Variants in PREP observed in about 807,000 individuals in gnomAD.
PREP encodes prolyl endopeptidase.
Under a neutral mutation model 87.6 loss-of-function variants are expected in PREP, and 29 were observed. The observed-to-expected ratio is 0.33, with a 90% CI of 0.25 to 0.45. The LOEUF is 0.45. PREP is among the 20% of genes least tolerant of loss of function. The pLI is 1.00. For synonymous variants in PREP, 337 were observed against 328.6 expected (o/e 1.03, Z -0.28); for missense variants, 695 against 886.5 (o/e 0.78, Z 2.74).
intron 1 of PREP, among the ~76,000 whole-genome samples, chr6:105,400,425 T>C (rs1773396900): frequency 6.6e-6 from 1 of 152,162 alleles, no homozygotes; most frequent in Non-Finnish European, 1.5e-5. Context: ...GATGGTCTGG[T>C]CAGAATCGCC....
chr6:105,357,962 T>C (rs578209862), intron 6 of PREP, among the ~76,000 whole-genome samples: 52 of 152,016 alleles, frequency 3.4e-4, no homozygotes, highest in African/African-American at 1.1e-3. Context: ...GCTAGAATAA[T>C]TGTGCTCTCC....
intron 14 of PREP, chr6:105,280,980 T>C (rs1241684803): frequency 6.6e-6 from 1 of 152,238 alleles, no homozygotes; most frequent in East Asian, 1.9e-4. Flanking sequence ...TTTTGATTGT[T>C]ACAGTAACAA....
chr6:105,278,245 C>A lies in PREP; in HGVS notation c.2032G>T (p.Ala678Ser), dbSNP rs773468354. 1 of 1,614,232 alleles carries A rather than the reference C, an allele frequency of 6.2e-7. No homozygotes were observed. Residue 678 changes from alanine to serine, a missense_variant, in exon 15 of 15, where the codon GCG becomes TCG. Physicochemically the swap from Ala to Ser is moderately conservative, Grantham distance 99. Coordinates refer to ENST00000652536, the MANE Select transcript of PREP (RefSeq NM_002726.5). The surrounding 1 kb of genome is among the most constrained non-coding windows in gnomAD (Gnocchi z 4.2). ...NPLLIHVDTK[A>S]GHGAGKPTAK... The stretch of plus-strand genomic sequence containing the variant: ...GTGGGCTTCCCCGCCCCGTGGCCCG[C>A]CTTGGTGTCCACGTGGATAAGCAGG...
At chr6:105,395,863 G>A (rs960882137) in intron 2 of PREP, among the ~76,000 whole-genome samples, 2 of 152,234 alleles carry the variant, frequency 1.3e-5, no homozygotes, top group Non-Finnish European at 2.9e-5. Flanking sequence ...TCCAAGAGAT[G>A]CACAGGAACT....
intron 7 of PREP, among the ~76,000 whole-genome samples, chr6:105,340,214 CA>C (rs1407636247): frequency 2.6e-5 from 4 of 152,172 alleles, no homozygotes; most frequent in Non-Finnish European, 5.9e-5. Context: ...CTCTACAAGC[CA>C]CAAGAGAGTG....
chr6:105,290,833 T>C (rs17065751), intron 10 of PREP, among the ~76,000 whole-genome samples: 15,290 of 152,236 alleles, frequency 0.1, 892 homozygotes, highest in African/African-American at 0.14. Flanking sequence ...CTAAAAACAA[T>C]ATTTTGAAAG....
chr6:105,354,788 T>C (rs1772048187), intron 6 of PREP, among the ~76,000 whole-genome samples: 1 of 149,842 alleles, frequency 6.7e-6, no homozygotes, highest in Non-Finnish European at 1.5e-5. Context: ...CTTAAACAAA[T>C]CCTCTCTATG....
intron 6 of PREP, among the ~76,000 whole-genome samples, chr6:105,356,459 CAGTT>C (rs757099487): frequency 1.3e-5 from 2 of 152,340 alleles, no homozygotes; most frequent in East Asian, 1.9e-4. Context: ...CACTGCTTAA[CAGTT>C]AGCCGAAAAC....
In PREP at chr6:105,296,868, T is replaced by C. The variant is rs115832976; in HGVS notation, c.1318-7974A>G. 2.3e-3 allele frequency among the ~76,000 whole-genome samples: 351 copies of C among 152,344 alleles called. 4 individuals carry two copies. Among genetic ancestry groups the C allele is most frequent in the African/African-American group, 8.1e-3 (335 of 41,578 alleles). On this transcript the variant is annotated intron_variant, in intron 10 of 14. Coordinates refer to ENST00000652536, the MANE Select transcript of PREP (RefSeq NM_002726.5). ...GCTGTCTCTTTTCAAGTTCCCTCTT[T>C]GCCATCTCAGAGAGCTCCAACAATC...
intron 10 of PREP, among the ~76,000 whole-genome samples, chr6:105,316,356 G>A (rs554378994): frequency 5.1e-4 from 78 of 152,326 alleles, no homozygotes; most frequent in Non-Finnish European, 6.2e-4. Context: ...AACACACACA[G>A]CATTTTTCAG....
intron 10 of PREP, among the ~76,000 whole-genome samples, chr6:105,311,867 C>G (rs1447173102): frequency 6.6e-6 from 1 of 152,190 alleles, no homozygotes; most frequent in African/African-American, 2.4e-5. Flanking sequence ...AACAGGTGAG[C>G]TTTAGGAATC....
At chr6:105,385,543 C>A (rs1772969318) in intron 2 of PREP, among the ~76,000 whole-genome samples, 1 of 152,040 alleles carries the variant, frequency 6.6e-6, no homozygotes, top group South Asian at 2.1e-4. Context: ...CTGAACAGAG[C>A]AATGACTGTG....
chr6:105,323,406 C>A (rs370178853), intron 10 of PREP, among the ~76,000 whole-genome samples: 1 of 152,070 alleles, frequency 6.6e-6, no homozygotes, highest in East Asian at 1.9e-4. Context: ...ACAATAGGAG[C>A]CCCAAGAGAA....
intron 14 of PREP, chr6:105,281,000 A>C (rs1440229140): frequency 6.6e-6 from 1 of 152,138 alleles, no homozygotes; most frequent in Non-Finnish European, 1.5e-5. Context: ...AATTACCACA[A>C]ATTTTAGCAG....
chr6:105,281,338 C>T (rs1770077608), intron 14 of PREP: 1 of 154,716 alleles, frequency 6.5e-6, no homozygotes, highest in South Asian at 2.0e-4. Context: ...CTTCCAATTT[C>T]TCTGACCTCC....
At chr6:105,381,140 T>G (rs1016970747) in intron 2 of PREP, among the ~76,000 whole-genome samples, 2 of 152,240 alleles carry the variant, frequency 1.3e-5, no homozygotes, top group Non-Finnish European at 2.9e-5. Flanking sequence ...AGCTAATTAC[T>G]TTAAATAGAC....
intron 7 of PREP, among the ~76,000 whole-genome samples, chr6:105,352,639 A>G (rs928912162): frequency 3.3e-5 from 5 of 152,188 alleles, no homozygotes; most frequent in African/African-American, 1.2e-4. Flanking sequence ...GTATGATGCC[A>G]CTATGCCCGG....
At chr6:105,358,646 A>C (rs961554457) in intron 6 of PREP, among the ~76,000 whole-genome samples, 1 of 152,090 alleles carries the variant, frequency 6.6e-6, no homozygotes, top group Admixed American at 6.5e-5. Flanking sequence ...GCAGAAAGAC[A>C]TGTCTCCTGA....
chr6:105,280,074 A>C (rs1306745374), intron 14 of PREP, among the ~76,000 whole-genome samples: 1 of 152,224 alleles, frequency 6.6e-6, no homozygotes, highest in Non-Finnish European at 1.5e-5. Flanking sequence ...AAATTCAGTC[A>C]TTTTAAGTAT....
Sources: allele counts gnomAD v4.1 joint callset (sites outside exome capture counted in the v4.1 genomes callset), GRCh38; gene constraint gnomAD v4.1.1; non-coding constraint Gnocchi (gnomAD v3.1); transcripts MANE v1.5; gene names NCBI Gene and HGNC (gene_info 2026-07-23, HGNC 2026-07-21).